COP1: variants seen among roughly 807,000 people sequenced by gnomAD.
COP1 encodes COP1 E3 ubiquitin ligase, also known as E3 ubiquitin-protein ligase COP1.
Under a neutral mutation model 101.3 loss-of-function variants are expected in COP1, and 24 were observed. The ratio of observed to expected loss-of-function variants is 0.24; its 90% CI spans 0.17 to 0.33. COP1 has a LOEUF of 0.33. COP1 is among the 10% of genes least tolerant of loss of function. The pLI is 1.00. For synonymous variants in COP1, 347 were observed against 341.9 expected (o/e 1.01, Z -0.17); for missense variants, 663 against 906.2 (o/e 0.73, Z 3.45).
chr1:175,968,194 C>T (rs191677374), intron 18 of COP1, among the ~76,000 whole-genome samples: 3 of 152,302 alleles, frequency 2.0e-5, no homozygotes, highest in Admixed American at 2.0e-4. Flanking sequence ...TTTCCACATT[C>T]ATTCTACTTC....
intron 15 of COP1, among the ~76,000 whole-genome samples, chr1:176,001,989 G>A (rs372346623): frequency 1.3e-5 from 2 of 151,986 alleles, no homozygotes; most frequent in Non-Finnish European, 2.9e-5. Flanking sequence ...AGGATCCCTG[G>A]TACTTGCTGA....
chr1:175,988,248 C>A (rs538019626), intron 17 of COP1, 40 bp downstream of exon 17: 1 of 1,567,388 alleles, frequency 6.4e-7, no homozygotes, highest in Admixed American at 1.8e-5. Flanking sequence ...CAATAACAAA[C>A]ACCTGTTAAA....
At chr1:176,190,776 A>G (rs975144545) in intron 1 of COP1, among the ~76,000 whole-genome samples, 6 of 152,152 alleles carry the variant, frequency 3.9e-5, no homozygotes, top group Non-Finnish European at 5.9e-5. Context: ...AGAACTGTCC[A>G]ACAAACTAAT....
intron 11 of COP1, among the ~76,000 whole-genome samples, chr1:176,066,235 G>C (rs928440305): frequency 2.6e-5 from 4 of 151,934 alleles, no homozygotes; most frequent in Non-Finnish European, 5.9e-5. Flanking sequence ...CATTTCTTTG[G>C]GGTTCTCCCT....
chr1:176,057,325 C>T (rs1229336323), intron 11 of COP1, among the ~76,000 whole-genome samples: 1 of 152,132 alleles, frequency 6.6e-6, no homozygotes, highest in Non-Finnish European at 1.5e-5. Flanking sequence ...CTCCCTCTCC[C>T]TCTCCCTCTC....
intron 1 of COP1, 26 bp from the exon 2 acceptor site, chr1:176,184,718 T>C (rs1243769254): frequency 1.3e-6 from 2 of 1,495,300 alleles, no homozygotes; most frequent in African/African-American, 2.8e-5. Flanking sequence ...AAATAATTGA[T>C]TTTTTTTTAA....
intron 18 of COP1, among the ~76,000 whole-genome samples, chr1:175,976,353 C>T (rs1048282317): frequency 1.6e-5 from 2 of 128,540 alleles, no homozygotes; most frequent in Admixed American, 2.0e-4. Flanking sequence ...TCTCTGCTCA[C>T]TGCAACCTAC....
Position 176,099,895 on chromosome 1 carries a change from G to T in COP1, c.1027-14005C>A, listed in dbSNP as rs116279271. Among the ~76,000 whole-genome samples, 1,407 of 152,214 alleles carry T rather than the reference G, an allele frequency of 9.2e-3. 24 individuals carry two copies. The highest frequency in any genetic ancestry group is 0.032 in the African/African-American group (1,337 of 41,494). ...AGGATCACCCAACTCACAGGCATTT[G>T]AGGATACAAACTGATGGCTGGGCTT... is the stretch of plus-strand genomic sequence containing the variant. On this transcript the variant is annotated intron_variant, in intron 9 of 19. Coordinates refer to ENST00000367669, the MANE Select transcript of COP1 (RefSeq NM_022457.7).
At chr1:175,997,421 T>G (rs1660449472) in intron 15 of COP1, among the ~76,000 whole-genome samples, 1 of 151,752 alleles carries the variant, frequency 6.6e-6, no homozygotes, top group South Asian at 2.1e-4. Context: ...ACTAAAGAGC[T>G]TCTGCACAGC....
intron 8 of COP1, among the ~76,000 whole-genome samples, chr1:176,128,404 G>C (rs555401380): frequency 1.3e-5 from 2 of 151,952 alleles, no homozygotes; most frequent in East Asian, 3.9e-4. Context: ...TTTTGTTTTA[G>C]TTCACAATCA....
At chr1:175,956,479 A>G (rs1271077582) in intron 18 of COP1, among the ~76,000 whole-genome samples, 1 of 152,094 alleles carries the variant, frequency 6.6e-6, no homozygotes, top group Non-Finnish European at 1.5e-5. Context: ...GATGCAAAAA[A>G]CATGTACAAT....
chr1:176,032,165 C>T (rs1668748671), intron 14 of COP1, among the ~76,000 whole-genome samples: 1 of 152,130 alleles, frequency 6.6e-6, no homozygotes, highest in African/African-American at 2.4e-5. Context: ...CTTCCAGACT[C>T]GCTTCTAAAC....
chr1:175,956,424 G>T, intron 18 of COP1, among the ~76,000 whole-genome samples: 1 of 149,784 alleles, frequency 6.7e-6, no homozygotes, highest in Non-Finnish European at 1.5e-5. Flanking sequence ...AAAACTTCAA[G>T]AAAAAAAATC....
chr1:175,959,178 C>A (rs1458301219), intron 18 of COP1, among the ~76,000 whole-genome samples: 2 of 151,742 alleles, frequency 1.3e-5, no homozygotes, highest in African/African-American at 2.4e-5. Context: ...AAAAAAATTT[C>A]ACCTACTAGA....
At chr1:176,062,734 CAA>C (rs1675086891) in intron 11 of COP1, among the ~76,000 whole-genome samples, 1 of 149,882 alleles carries the variant, frequency 6.7e-6, no homozygotes, top group Admixed American at 6.8e-5. Flanking sequence ...AAAACCCAGA[CAA>C]GTTTATTCAA....
intron 19 of COP1, among the ~76,000 whole-genome samples, chr1:175,945,582 C>T (rs181743831): frequency 2.0e-5 from 3 of 152,306 alleles, no homozygotes; most frequent in Admixed American, 1.3e-4. Flanking sequence ...ATCAAGGTTA[C>T]AGGACCTAAA....
chr1:176,031,442 T>C (rs1263774890), intron 14 of COP1, among the ~76,000 whole-genome samples: 2 of 152,144 alleles, frequency 1.3e-5, no homozygotes, highest in Admixed American at 1.3e-4. Flanking sequence ...CTTGCAAGGA[T>C]GGTAGTAAGA....
chr1:176,058,017 G>A (rs1267738823), intron 11 of COP1, among the ~76,000 whole-genome samples: 3 of 84,532 alleles, frequency 3.5e-5, no homozygotes, highest in Admixed American at 1.1e-4. Context: ...CCCTCCGCCC[G>A]GCAGCCGCCC....
At chr1:175,975,565 A>C (rs1654338687) in intron 18 of COP1, among the ~76,000 whole-genome samples, 1 of 152,082 alleles carries the variant, frequency 6.6e-6, no homozygotes, top group African/African-American at 2.4e-5. Context: ...ATGCGCCAAT[A>C]TGCCAGGCTA....
Sources: allele counts gnomAD v4.1 joint callset (sites outside exome capture counted in the v4.1 genomes callset), GRCh38; gene constraint gnomAD v4.1.1; transcripts MANE v1.5; gene names NCBI Gene and HGNC (gene_info 2026-07-23, HGNC 2026-07-21).